The following SPATA21 variants were observed in gnomAD, a reference collection of about 807,000 sequenced individuals.
SPATA21 encodes spermatogenesis associated 21.
SPATA21 carries 47 observed loss-of-function variants against 54.8 expected under a neutral mutation model. The ratio of observed to expected loss-of-function variants is 0.86; its 90% CI spans 0.68 to 1.09. The LOEUF (loss-of-function observed/expected upper bound fraction) is 1.09, where lower values mean the gene tolerates loss of function less well. Ranked by LOEUF, SPATA21 falls within the 50% of genes least tolerant of loss-of-function variation. The pLI, the probability that SPATA21 is intolerant of heterozygous loss-of-function variation, is 0.00. For synonymous variants in SPATA21, 245 were observed against 235.3 expected, an observed-to-expected ratio of 1.04 and a Z score of -0.38; for missense variants, 599 against 596.4, an observed-to-expected ratio of 1.00 and a Z score of -0.05.
At chr1:16,427,662 T>C (rs1047203514) in intron 3 of SPATA21, among the ~76,000 whole-genome samples, 1 of 152,058 alleles carries the variant, frequency 6.6e-6, no homozygotes, top group African/African-American at 2.4e-5. Flanking sequence ...ATAAAAGATG[T>C]TTGTGGTCTC....
At chr1:16,426,501 C>T (rs527512801) in intron 3 of SPATA21, among the ~76,000 whole-genome samples, 13 of 148,598 alleles carry the variant, frequency 8.7e-5, no homozygotes, top group South Asian at 2.1e-4. Flanking sequence ...TTAAGTGATC[C>T]GCCAACCTCA....
chr1:16,398,156 C>T (rs759541114), downstream of SPATA21: 6 of 335,162 alleles, frequency 1.8e-5, no homozygotes, highest in Admixed American at 6.3e-5. Context: ...GATCTTTGTC[C>T]TCATTTCAGT....
At position 16,409,956 on chromosome 1, in the gene SPATA21, G is replaced by A. The variant is rs138882081; in HGVS notation, c.232C>T (p.Leu78Phe). Residue 78 changes from leucine to phenylalanine, a missense_variant, in exon 6 of 13, where the codon CTC becomes TTC. By Grantham distance (22) the Leu-to-Phe change is conservative. Transcript: ENST00000335496. This position sits in a 1 kb window ranked among gnomAD's most constrained non-coding sequence, Gnocchi z 4.1. The part of the protein sequence containing the change: ...KPAVAAGTQS[L>F]GNFRQGFMKC... ...ATGAAGCCCTGCCGGAAGTTCCCGA[G>A]GCTCTGTGTCCCTGCAGCCACCGCG... 1.3e-4 allele frequency: 203 copies of A among 1,613,402 alleles called. No homozygotes were observed. In the African/African-American group the frequency reaches 2.3e-3, roughly 19 times the overall value.
chr1:16,398,567 G>A (rs2085351623), downstream of SPATA21: 3 of 616,014 alleles, frequency 4.9e-6, no homozygotes, highest in Middle Eastern at 4.3e-4. Context: ...GCTTTGAGGT[G>A]GAACCCTGCA....
intron 3 of SPATA21, among the ~76,000 whole-genome samples, chr1:16,423,966 G>A (rs1170712278): frequency 2.6e-5 from 4 of 151,714 alleles, no homozygotes; most frequent in Admixed American, 6.6e-5. Context: ...GTTGGTAGTC[G>A]CCTGGGGATA....
chr1:16,396,158 G>C (rs978580811), downstream of SPATA21: 1 of 152,632 alleles, frequency 6.6e-6, no homozygotes, highest in Admixed American at 6.5e-5. Flanking sequence ...AGGAAAACCA[G>C]GAGAGAGTCT....
chr1:16,423,832 C>T (rs925902401), intron 3 of SPATA21, among the ~76,000 whole-genome samples: 23 of 151,980 alleles, frequency 1.5e-4, no homozygotes, highest in South Asian at 6.2e-4. Flanking sequence ...GCTGAGCCAC[C>T]GCACCCGACC....
chr1:16,425,788 T>C (rs1452181120), intron 3 of SPATA21: 1 of 1,474,284 alleles, frequency 6.8e-7, no homozygotes. Flanking sequence ...CTGTTTTATA[T>C]ATTTTTACAG....
chr1:16,401,410 C>T (rs2085443537), intron 10 of SPATA21, among the ~76,000 whole-genome samples: 2 of 152,104 alleles, frequency 1.3e-5, no homozygotes, highest in African/African-American at 4.8e-5. Context: ...ATCGTCCTGC[C>T]CTAGCCTCTT....
intron 3 of SPATA21, among the ~76,000 whole-genome samples, chr1:16,426,307 C>T (rs763249814): frequency 6.2e-4 from 94 of 151,482 alleles, no homozygotes; most frequent in Non-Finnish European, 1.2e-3. Flanking sequence ...CACCCAGGTT[C>T]GAGTGTAGTG....
In SPATA21 at chr1:16,409,743, GC is replaced by G. The variant is rs755013377; in HGVS notation, c.444del (p.Pro149GlnfsTer42). On this transcript the variant is annotated frameshift_variant, in exon 6 of 13. Coordinates refer to ENST00000335496, the MANE Select transcript of SPATA21 (RefSeq NM_198546.1). LOFTEE classifies it high-confidence loss of function. This position sits in a 1 kb window ranked among gnomAD's most constrained non-coding sequence, Gnocchi z 4.1. The stretch of plus-strand genomic sequence containing the variant: ...GGGGCTCCCATGGGGGCAGGTTCTG[GC>G]CCAGGAGCTGGCAGCCGGGCCCACG... ...GPSWARLPAP[G>X]PEPAPMGAPV... The G allele has an allele frequency of 6.2e-7, 1 of 1,609,796 alleles. No homozygotes were observed. The highest frequency in any genetic ancestry group is 8.5e-7 in the Non-Finnish European group (1 of 1,178,470).
At chr1:16,404,089 A>G in intron 8 of SPATA21, 50 bp from the exon 9 acceptor site, 2 of 1,466,440 alleles carry the variant, frequency 1.4e-6, no homozygotes, top group East Asian at 2.5e-5. Flanking sequence ...GAGCAGGTCC[A>G]TGCCTTGCAG....
In SPATA21 at chr1:16,409,329, C is replaced by G. The variant is rs540346446; in HGVS notation, c.588-126G>C. 1.7e-4 allele frequency: 170 copies of G among 1,014,940 alleles called. No individual in the cohort carries two copies. In the East Asian group the frequency reaches 4.3e-3, roughly 26 times the overall value. The allele number at this position is 1,014,940 out of a possible 1,614,324, so 62.9% of individuals were successfully genotyped here. A position where few individuals can be genotyped will look rare whatever the true frequency, so the allele number is the denominator to read the frequency against. ...GAGGCTTTGGGGAGCCCGGAGAGAT[C>G]AAGAATGGCAGGAAAAAGGAGATCC... On this transcript the variant is annotated intron_variant, in intron 6 of 12. Coordinates refer to ENST00000335496, the MANE Select transcript of SPATA21 (RefSeq NM_198546.1). This position sits in a 1 kb window ranked among gnomAD's most constrained non-coding sequence, Gnocchi z 4.1.
intron 11 of SPATA21, 97 bp from the exon 12 acceptor site, chr1:16,399,618 G>T: frequency 7.2e-7 from 1 of 1,384,572 alleles, no homozygotes; most frequent in Non-Finnish European, 9.7e-7. Flanking sequence ...GCTACATAAT[G>T]ACCTGAGTGG....
At chr1:16,424,242 G>A (rs1401823719) in intron 3 of SPATA21, among the ~76,000 whole-genome samples, 8 of 2,070 alleles carry the variant, frequency 3.9e-3, no homozygotes, top group East Asian at 0.014. Context: ...GAACCTGGGA[G>A]GCAGAGCTTG....
chr1:16,398,704 G>T lies in SPATA21; in HGVS notation c.*61C>A. 1 of 1,585,026 alleles carries T rather than the reference G, an allele frequency of 6.3e-7. No individual in the cohort carries two copies. Among genetic ancestry groups the T allele is most frequent in the African/African-American group, 1.3e-5 (1 of 74,400 alleles). On this transcript the variant is annotated 3_prime_UTR_variant, in exon 13 of 13. Coordinates refer to ENST00000335496, the MANE Select transcript of SPATA21 (RefSeq NM_198546.1). ...AAAGCAAATCCCAGCAGCAGCTCCTGCCTGGTGGCCCATCTGTCTACAGGC... is the reference window on the plus strand; with the variant it reads ...AAAGCAAATCCCAGCAGCAGCTCCTTCCTGGTGGCCCATCTGTCTACAGGC...
In SPATA21 at chr1:16,409,333, A is replaced by G; in HGVS notation, c.588-130T>C. 1 of 995,476 alleles carries G rather than the reference A, an allele frequency of 1.0e-6. No homozygotes were observed. The highest frequency in any genetic ancestry group is 1.5e-6 in the Non-Finnish European group (1 of 670,998). 61.7% of individuals were successfully genotyped at this position (995,476 alleles called of 1,614,324 possible). A position where few individuals can be genotyped will look rare whatever the true frequency, so the allele number is the denominator to read the frequency against. On this transcript the variant is annotated intron_variant, in intron 6 of 12. Transcript: ENST00000335496. The surrounding 1 kb of genome is among the most constrained non-coding windows in gnomAD (Gnocchi z 4.1). ...CTTTGGGGAGCCCGGAGAGATCAAG[A>G]ATGGCAGGAAAAAGGAGATCCAGAG...
At chr1:16,432,205 T>G (rs2100907126) in intron 2 of SPATA21, among the ~76,000 whole-genome samples, 1 of 148,604 alleles carries the variant, frequency 6.7e-6, no homozygotes, top group East Asian at 2.1e-4. Flanking sequence ...CACTGCAACC[T>G]CTGCCTCCTG....
Position 16,405,481 on chromosome 1 carries a change from A to G in SPATA21, c.674-377T>C, listed in dbSNP as rs191126593. On this transcript the variant is annotated intron_variant, in intron 7 of 12. Coordinates refer to ENST00000335496, the MANE Select transcript of SPATA21 (RefSeq NM_198546.1). ...AACACAGGGAGACCCCATCTCTAAT[A>G]AAAATAAAAATGAAAAAAAAAAAAA... is the stretch of plus-strand genomic sequence containing the variant. Among the ~76,000 whole-genome samples the G allele has an allele frequency of 4.6e-3, 661 of 143,136 alleles. 3 individuals are homozygous for G. Among genetic ancestry groups the G allele is most frequent in the Non-Finnish European group, 7.2e-3 (472 of 65,408 alleles). The allele number at this position is 143,136 out of a possible 152,430, so 93.9% of individuals were successfully genotyped here.
Sources: gnomAD v4.1 joint callset for allele counts (sites outside exome capture counted in the v4.1 genomes callset) on GRCh38, gnomAD v4.1.1 for gene constraint, Gnocchi (gnomAD v3.1) non-coding constraint, MANE v1.5 for transcripts, NCBI Gene and HGNC (gene_info 2026-07-23, HGNC 2026-07-21) for gene names.